Variants in DHRSX observed in about 807,000 individuals in gnomAD.
DHRSX encodes the protein polyprenol dehydrogenase.
A neutral mutation model predicts 34.0 loss-of-function variants in DHRSX; 31 were observed. That is an observed-to-expected ratio of 0.91 (90% CI 0.69 to 1.23). The LOEUF is 1.23. DHRSX is among the 50% of genes most tolerant of loss of function. The pLI is 0.00. For missense variants in DHRSX, 414 were observed against 428.1 expected (o/e 0.97, Z 0.29); for synonymous variants, 201 against 183.8 (o/e 1.09, Z -0.76).
At chrX:2,345,458 C>G (rs1027816898) in intron 3 of DHRSX, among the ~76,000 whole-genome samples, 2 of 151,816 alleles carry the variant, frequency 1.3e-5, no homozygotes, top group African/African-American at 2.4e-5. Flanking sequence ...GCCTGGCCAA[C>G]ATGGTGAAAC....
At chrX:2,234,491 C>T (rs1159470847) in intron 6 of DHRSX, among the ~76,000 whole-genome samples, 1 of 152,272 alleles carries the variant, frequency 6.6e-6, no homozygotes, top group East Asian at 1.9e-4. Context: ...GAGCCCTGAT[C>T]CACGCACACA....
At chrX:2,258,141 C>T (rs1431097211) in intron 5 of DHRSX, among the ~76,000 whole-genome samples, 1 of 151,952 alleles carries the variant, frequency 6.6e-6, no homozygotes, top group African/African-American at 2.4e-5. Flanking sequence ...TGATCTCAGA[C>T]CTCCAGCCTC....
At chrX:2,378,753 C>A (rs1416098277) in intron 3 of DHRSX, among the ~76,000 whole-genome samples, 1 of 151,998 alleles carries the variant, frequency 6.6e-6, no homozygotes, top group African/African-American at 2.4e-5. Flanking sequence ...TCACTGCAAC[C>A]TCCACCTCCC....
chrX:2,399,705 CA>C (rs1450821635), intron 3 of DHRSX, among the ~76,000 whole-genome samples: 2 of 73,336 alleles, frequency 2.7e-5, no homozygotes, highest in Non-Finnish European at 4.8e-5. Context: ...GACTCCGTCT[CA>C]AAACAAACAA....
At chrX:2,386,321 C>A (rs2043272058) in intron 3 of DHRSX, among the ~76,000 whole-genome samples, 1 of 152,060 alleles carries the variant, frequency 6.6e-6, no homozygotes, top group South Asian at 2.1e-4. Context: ...CAGGTTCAAG[C>A]AATTCTCCTG....
intron 4 of DHRSX, among the ~76,000 whole-genome samples, chrX:2,282,745 G>A (rs1458753064): frequency 7.1e-6 from 1 of 141,340 alleles, no homozygotes; most frequent in Non-Finnish European, 1.5e-5. Flanking sequence ...AGGGAGAATG[G>A]GAGAGAGAGA....
At chrX:2,425,380 G>A in intron 1 of DHRSX, 76 bp from the exon 2 acceptor site, 15 of 1,271,854 alleles carry the variant, frequency 1.2e-5, no homozygotes, top group Non-Finnish European at 1.7e-5. Flanking sequence ...TAAGCCTCCA[G>A]AGAGGCAAGA....
At chrX:2,490,807 G>A in intron 1 of DHRSX, 1 of 1,532,150 alleles carries the variant, frequency 6.5e-7, no homozygotes, top group Non-Finnish European at 8.8e-7. Flanking sequence ...GCATGAGAAG[G>A]GACCCAGGCA....
intron 3 of DHRSX, among the ~76,000 whole-genome samples, chrX:2,363,734 T>G (rs2042966617): frequency 6.6e-6 from 1 of 152,012 alleles, no homozygotes; most frequent in Admixed American, 6.6e-5. Flanking sequence ...TATGGTATCA[T>G]GCTTCCATTT....
intron 3 of DHRSX, among the ~76,000 whole-genome samples, chrX:2,320,795 C>T (rs777528211): frequency 1.3e-5 from 2 of 151,638 alleles, no homozygotes; most frequent in Non-Finnish European, 2.9e-5. Context: ...CAAGCCGCTT[C>T]GTGGATTGTC....
chrX:2,231,420 C>T lies in DHRSX; in HGVS notation c.805-10191G>A, dbSNP rs373932257. Among the ~76,000 whole-genome samples, 3 of 151,962 alleles carry T rather than the reference C, an allele frequency of 2.0e-5. 1 individual carries two copies. The highest frequency in any genetic ancestry group is 7.2e-5 in the African/African-American group (3 of 41,472). On this transcript the variant is annotated intron_variant, in intron 6 of 6. Coordinates refer to ENST00000334651, the MANE Select transcript of DHRSX (RefSeq NM_145177.3). ...CACCCTTCTCCTTCCTCCTTTGCTT[C>T]CTCTTCCTTTTTCTCTTTTTCTCTC... is the stretch of plus-strand genomic sequence containing the variant.
At chrX:2,359,733 C>T (rs1396238668) in intron 3 of DHRSX, among the ~76,000 whole-genome samples, 3 of 152,002 alleles carry the variant, frequency 2.0e-5, no homozygotes, top group Non-Finnish European at 4.4e-5. Context: ...CCATGGAATA[C>T]TATGCAGCCA....
chrX:2,481,030 G>A (rs1208228535), intron 1 of DHRSX, among the ~76,000 whole-genome samples: 1 of 152,052 alleles, frequency 6.6e-6, no homozygotes, highest in African/African-American at 2.4e-5. Flanking sequence ...TAATTAGCTT[G>A]TTAATATGTT....
chrX:2,474,331 T>G (rs1404986806), intron 1 of DHRSX, among the ~76,000 whole-genome samples: 2 of 151,946 alleles, frequency 1.3e-5, no homozygotes, highest in Non-Finnish European at 2.9e-5. Flanking sequence ...ACTGCCACCA[T>G]GTACACACTG....
intron 1 of DHRSX, among the ~76,000 whole-genome samples, chrX:2,468,797 G>T (rs1365235396): frequency 6.7e-6 from 1 of 149,630 alleles, no homozygotes; most frequent in East Asian, 2.0e-4. Flanking sequence ...CTAAGCATGT[G>T]GTCCAAAGGA....
At chrX:2,317,156 C>T (rs1386763308) in intron 3 of DHRSX, among the ~76,000 whole-genome samples, 1 of 152,028 alleles carries the variant, frequency 6.6e-6, no homozygotes, top group Non-Finnish European at 1.5e-5. Context: ...TGGGCTTTCA[C>T]CACGTTTGTC....
At chrX:2,490,046 C>T (rs368890122) in intron 1 of DHRSX, 25 of 1,613,672 alleles carry the variant, frequency 1.5e-5, no homozygotes, top group Non-Finnish European at 2.0e-5. Context: ...CATGGACAGG[C>T]AGTTGGGGGC....
chrX:2,237,221 C>A (rs1206553854), intron 6 of DHRSX, among the ~76,000 whole-genome samples: 1 of 152,060 alleles, frequency 6.6e-6, no homozygotes, highest in Non-Finnish European at 1.5e-5. Flanking sequence ...CCAGTACCTG[C>A]ATCCTTGATT....
intron 4 of DHRSX, among the ~76,000 whole-genome samples, chrX:2,285,010 G>T (rs1252164161): frequency 6.6e-6 from 1 of 152,174 alleles, no homozygotes; most frequent in Non-Finnish European, 1.5e-5. Flanking sequence ...GCACGTGGTT[G>T]ACTAGCAGGA....
Sources: gnomAD v4.1 joint callset for allele counts (sites outside exome capture counted in the v4.1 genomes callset) on GRCh38, gnomAD v4.1.1 for gene constraint, MANE v1.5 for transcripts, NCBI Gene and HGNC (gene_info 2026-07-23, HGNC 2026-07-21) for gene names.